PRKD1: variants seen among roughly 807,000 people sequenced by gnomAD.
The protein encoded by PRKD1 is protein kinase D1.
In PRKD1, 63 loss-of-function variants were observed where a neutral mutation model predicts 95.9. The observed-to-expected ratio is 0.66, with a 90% CI of 0.54 to 0.81. The LOEUF (loss-of-function observed/expected upper bound fraction) is 0.81. Among genes scored for constraint, PRKD1 ranks in the 30% least tolerant of loss-of-function variants. PRKD1 has a pLI of 0.00. For synonymous variants in PRKD1, 425 were observed against 423.1 expected (o/e 1.00, Z -0.05); for missense variants, 1,048 against 1,165.3 (o/e 0.90, Z 1.47).
chr14:29,625,355 T>G (rs1362589324), intron 12 of PRKD1, among the ~76,000 whole-genome samples: 1 of 152,176 alleles, frequency 6.6e-6, no homozygotes, highest in Non-Finnish European at 1.5e-5. Context: ...CTCATCTACT[T>G]TACTCCATTT....
At chr14:29,880,936 A>G (rs1490700601) in intron 1 of PRKD1, among the ~76,000 whole-genome samples, 1 of 152,174 alleles carries the variant, frequency 6.6e-6, no homozygotes, top group Non-Finnish European at 1.5e-5. Flanking sequence ...TATATCTAGG[A>G]AGTAACTAGA....
At chr14:29,908,541 T>C (rs2139441509) in intron 1 of PRKD1, among the ~76,000 whole-genome samples, 1 of 152,270 alleles carries the variant, frequency 6.6e-6, no homozygotes, top group Non-Finnish European at 1.5e-5. Context: ...CGCCTCAGCC[T>C]CCCAAAGTGC....
chr14:29,750,492 T>A (rs1887425045), intron 1 of PRKD1, among the ~76,000 whole-genome samples: 1 of 152,056 alleles, frequency 6.6e-6, no homozygotes, highest in Admixed American at 6.6e-5. Flanking sequence ...AAGTAAGATA[T>A]ATATCTACCC....
intron 2 of PRKD1, among the ~76,000 whole-genome samples, chr14:29,676,179 T>TTTTTTTTTTTG: frequency 8.7e-6 from 1 of 114,414 alleles, no homozygotes; most frequent in East Asian, 2.2e-4. Context: ...TTCATTACGT[T>TTTTTTTTTTTG]TTTGTTTTTT....
Position 29,626,500 on chromosome 14 carries a change from A to C in PRKD1, c.1782T>G (p.Phe594Leu), listed in dbSNP as rs776060214. Residue 594 changes from phenylalanine (F) to leucine (L), a missense_variant, in exon 12 of 18, where the codon TTT becomes TTG. Transcript: ENST00000331968. ...ATAACCTACCTCCATAAACAATTCC[A>C]AACTGTCCAGAACCCAGTACTTCAT... ...FPDEVLGSGQ[F>L]GIVYGGKHRK... The C allele has an allele frequency of 1.2e-6, 2 of 1,612,574 alleles. No individual in the cohort carries two copies. The highest frequency in any genetic ancestry group is 2.2e-5 in the South Asian group (2 of 90,950).
At chr14:29,693,156 G>T (rs1360594941) in intron 2 of PRKD1, among the ~76,000 whole-genome samples, 1 of 152,052 alleles carries the variant, frequency 6.6e-6, no homozygotes. Flanking sequence ...GTGCAATTCT[G>T]GTATTCTTAC....
At chr14:29,920,972 A>G (rs1412926922) in intron 1 of PRKD1, among the ~76,000 whole-genome samples, 2 of 152,176 alleles carry the variant, frequency 1.3e-5, no homozygotes, top group South Asian at 2.1e-4. Flanking sequence ...CTTCCTTCTC[A>G]TGTATCAAGC....
rs1291517960 is a variant in PRKD1, at chr14:29,663,704, G to A, written c.691C>T (p.Leu231Phe). The A allele has an allele frequency of 2.5e-6, 4 of 1,613,498 alleles. No individual in the cohort carries two copies. The Admixed American group carries it at 5.0e-5, about 20-fold the overall frequency. Residue 231 changes from leucine to phenylalanine, a missense_variant, in exon 4 of 18, where the codon CTT (leucine) becomes TTT (phenylalanine). Around this residue, in one of 3 missense-constraint regions of PRKD1, gnomAD observed 739 missense variants for 861.9 expected, o/e 0.86. Transcript: ENST00000331968. The stretch of plus-strand genomic sequence containing the variant: ...GGGTAAACAGGAAGCCATACCAGAA[G>A]GGGCTCATCAGGGGCACTTGTAGAG... Reference protein sequence around the residue: ...ELSTSAPDEPLLQKSPSESFI... With the variant: ...ELSTSAPDEPFLQKSPSESFI...
Position 29,854,508 on chromosome 14 carries a change from G to A in PRKD1, c.264+72741C>T, listed in dbSNP as rs974957862. Reference sequence around the variant, plus strand: ...CAGCAAAGCATTCAAGAGGAGACTTGAGTGCTGTTAAAGGCACTCAGTTTT... The same window carrying A: ...CAGCAAAGCATTCAAGAGGAGACTTAAGTGCTGTTAAAGGCACTCAGTTTT... On this transcript the variant is annotated intron_variant, in intron 1 of 17. Coordinates refer to ENST00000331968, the MANE Select transcript of PRKD1 (RefSeq NM_002742.3). 2.0e-5 allele frequency among the ~76,000 whole-genome samples: 3 copies of A among 152,176 alleles called. No individual in the cohort carries two copies. In the East Asian group the frequency reaches 5.8e-4, roughly 29 times the overall value.
intron 1 of PRKD1, among the ~76,000 whole-genome samples, chr14:29,879,802 A>C (rs944761369): frequency 6.6e-6 from 1 of 152,134 alleles, no homozygotes; most frequent in African/African-American, 2.4e-5. Context: ...TGGGAACTGG[A>C]GCAAAGGTGA....
At chr14:29,605,493 G>A (rs1034734796) in intron 13 of PRKD1, among the ~76,000 whole-genome samples, 2 of 151,966 alleles carry the variant, frequency 1.3e-5, no homozygotes, top group Admixed American at 6.6e-5. Flanking sequence ...AACGTTTATC[G>A]GGTGTGAATA....
intron 1 of PRKD1, among the ~76,000 whole-genome samples, chr14:29,800,751 C>T (rs1889994630): frequency 6.6e-6 from 1 of 151,882 alleles, no homozygotes; most frequent in Admixed American, 6.6e-5. Context: ...TAAATCTTTC[C>T]CTGGACAGCT....
chr14:29,860,227 C>G (rs766391128), intron 1 of PRKD1, among the ~76,000 whole-genome samples: 17 of 152,194 alleles, frequency 1.1e-4, no homozygotes, highest in Admixed American at 5.9e-4. Flanking sequence ...AAAACAGGCA[C>G]CTTGTTTTTT....
intron 2 of PRKD1, among the ~76,000 whole-genome samples, chr14:29,669,236 C>T (rs1315509778): frequency 6.6e-6 from 1 of 152,126 alleles, no homozygotes; most frequent in African/African-American, 2.4e-5. Context: ...TTTGCATGAG[C>T]TCCATGTTTA....
chr14:29,785,251 T>C (rs2139178649), intron 1 of PRKD1, among the ~76,000 whole-genome samples: 1 of 152,310 alleles, frequency 6.6e-6, no homozygotes, highest in African/African-American at 2.4e-5. Flanking sequence ...TTTCTACTAC[T>C]TAGCCTTTCT....
rs1266224844 is a variant in PRKD1 at position 29,826,575 on chromosome 14, T to C, written c.264+100674A>G. ...ATATATATGATGGAATATATATATA[T>C]ACATATATATGATGAAAATATATAT... On this transcript the variant is annotated intron_variant, in intron 1 of 17. Coordinates refer to ENST00000331968, the MANE Select transcript of PRKD1 (RefSeq NM_002742.3). 1.7e-4 allele frequency among the ~76,000 whole-genome samples: 21 copies of C among 121,826 alleles called. 2 individuals are homozygous for C. Among genetic ancestry groups the C allele is most frequent in the East Asian group, 1.2e-3 (5 of 4,186 alleles). The allele number at this position is 121,826 out of a possible 152,430, so 79.9% of individuals were successfully genotyped here.
chr14:29,876,254 T>C (rs1444971640), intron 1 of PRKD1, among the ~76,000 whole-genome samples: 1 of 152,190 alleles, frequency 6.6e-6, no homozygotes, highest in African/African-American at 2.4e-5. Flanking sequence ...ATTATCTCAC[T>C]ATATGTGGTT....
chr14:29,634,767 C>T (rs1880256513), intron 7 of PRKD1, among the ~76,000 whole-genome samples: 1 of 152,084 alleles, frequency 6.6e-6, no homozygotes, highest in Non-Finnish European at 1.5e-5. Flanking sequence ...GGTGCAGTGA[C>T]TCACATCTGT....
chr14:29,756,271 T>A (rs977699076), intron 1 of PRKD1, among the ~76,000 whole-genome samples: 1 of 152,160 alleles, frequency 6.6e-6, no homozygotes, highest in Non-Finnish European at 1.5e-5. Context: ...TTAAAAACTT[T>A]ACATTTAGAA....
Sources: gnomAD v4.1 joint callset for allele counts (sites outside exome capture counted in the v4.1 genomes callset) on GRCh38, gnomAD v4.1.1 for gene constraint, gnomAD v4.1.1 regional missense constraint, MANE v1.5 for transcripts, NCBI Gene and HGNC (gene_info 2026-07-23, HGNC 2026-07-21) for gene names.